Variants in TBCK observed in about 807,000 individuals in gnomAD.
TBCK encodes TBC1 domain containing kinase.
TBCK carries 99 observed loss-of-function variants against 113.4 expected under a neutral mutation model. The ratio of observed to expected loss-of-function variants is 0.87; its 90% CI spans 0.74 to 1.03. TBCK has a LOEUF of 1.03. Ranked by LOEUF, TBCK falls within the 50% of genes least tolerant of loss-of-function variation. The pLI is 0.00. For missense variants in TBCK, 1,045 were observed against 1,061.3 expected (o/e 0.98, Z 0.21); for synonymous variants, 369 against 370.8 (o/e 1.00, Z 0.05).
At chr4:106,113,498 T>C (rs1743101775) in intron 24 of TBCK, among the ~76,000 whole-genome samples, 2 of 152,178 alleles carry the variant, frequency 1.3e-5, no homozygotes, top group African/African-American at 4.8e-5. Flanking sequence ...GTGGTCCAAA[T>C]GAATTGTTAA....
intron 22 of TBCK, among the ~76,000 whole-genome samples, chr4:106,191,433 T>G (rs1560792241): frequency 6.6e-6 from 1 of 152,246 alleles, no homozygotes; most frequent in African/African-American, 2.4e-5. Context: ...CTGTGAACAT[T>G]TGAACTTATT....
chr4:106,251,935 T>C lies in TBCK; in HGVS notation c.528A>G (p.Lys176=), dbSNP rs772738148. Residue 176 remains lysine (K), a synonymous_variant, in exon 6 of 26, where the codon AAA becomes AAG. Transcript: ENST00000394708. ...ATTTGGGGCCAGAAGGCAATGGTTT[T>C]TTACTTGGCATGTGATCAGTGGTTT... ...IFKTTDHMPS[K]KPLPSGPKSD... 6.2e-7 allele frequency: 1 copy of C among 1,611,908 alleles called. No homozygotes were observed.
At chr4:106,315,885 A>T (rs1357457488) in intron 1 of TBCK, 46 bp downstream of exon 1, 1 of 152,514 alleles carries the variant, frequency 6.6e-6, no homozygotes, top group African/African-American at 2.4e-5. Context: ...CCTCCCACAG[A>T]CCCCACCCAC....
intron 23 of TBCK, among the ~76,000 whole-genome samples, chr4:106,120,393 G>A (rs990610283): frequency 6.6e-6 from 1 of 152,124 alleles, no homozygotes; most frequent in Non-Finnish European, 1.5e-5. Context: ...TGGGGGAGGG[G>A]CGCCCACCAT....
chr4:106,068,210 G>A (rs1225952312), intron 25 of TBCK, among the ~76,000 whole-genome samples: 2 of 152,072 alleles, frequency 1.3e-5, no homozygotes, highest in Non-Finnish European at 2.9e-5. Context: ...GTGCAGGTTT[G>A]TTACATATGT....
chr4:106,216,747 T>C (rs1182128256), intron 19 of TBCK, among the ~76,000 whole-genome samples: 1 of 151,004 alleles, frequency 6.6e-6, no homozygotes, highest in East Asian at 2.0e-4. Flanking sequence ...CCAAAAAGAG[T>C]CCAGGACCAG....
In TBCK at chr4:106,134,824, G is replaced by C. The variant is rs1746373050; in HGVS notation, c.2236-18446C>G. ...CAGGTGAGAAGTAGGGAGAGAGATGGTAGTACTGACAGAGTGGGTGGTAGG... is the reference window on the plus strand; with the variant it reads ...CAGGTGAGAAGTAGGGAGAGAGATGCTAGTACTGACAGAGTGGGTGGTAGG... On this transcript the variant is annotated intron_variant, in intron 23 of 25. Transcript: ENST00000394708. Among the ~76,000 whole-genome samples the C allele has an allele frequency of 2.0e-5, 3 of 152,112 alleles. No individual in the cohort carries two copies. In the South Asian group the frequency reaches 6.2e-4, roughly 32 times the overall value.
intron 11 of TBCK, 98 bp downstream of exon 11, chr4:106,244,528 T>TAAA: frequency 2.3e-6 from 2 of 873,610 alleles, no homozygotes; most frequent in East Asian, 3.8e-5. Context: ...ACAACCAATT[T>TAAA]AAAAAAAAAA....
intron 20 of TBCK, among the ~76,000 whole-genome samples, chr4:106,202,687 A>G (rs935890082): frequency 1.3e-5 from 2 of 152,086 alleles, no homozygotes; most frequent in Non-Finnish European, 2.9e-5. Context: ...TAGTCACACA[A>G]GTGATATTGC....
At chr4:106,115,898 C>T (rs565368295) in intron 24 of TBCK, among the ~76,000 whole-genome samples, 30 of 152,244 alleles carry the variant, frequency 2.0e-4, no homozygotes, top group African/African-American at 6.5e-4. Flanking sequence ...GCCACAATTC[C>T]TATCTACAGC....
At chr4:106,151,561 T>C (rs1299173221) in intron 23 of TBCK, among the ~76,000 whole-genome samples, 1 of 152,046 alleles carries the variant, frequency 6.6e-6, no homozygotes, top group Non-Finnish European at 1.5e-5. Context: ...CTTTATGGTC[T>C]TTTGTGGTTG....
At chr4:106,059,041 T>C (rs1735743154) in intron 25 of TBCK, among the ~76,000 whole-genome samples, 1 of 151,750 alleles carries the variant, frequency 6.6e-6, no homozygotes, top group Non-Finnish European at 1.5e-5. Context: ...AAGGATAAAA[T>C]ACTACTTCAA....
intron 20 of TBCK, among the ~76,000 whole-genome samples, chr4:106,212,045 A>T (rs1756200282): frequency 6.6e-6 from 1 of 152,090 alleles, no homozygotes. Flanking sequence ...AAATTTTTTA[A>T]TGTCAAATGT....
chr4:106,237,971 A>T (rs1405980373), intron 12 of TBCK, among the ~76,000 whole-genome samples: 1 of 152,050 alleles, frequency 6.6e-6, no homozygotes, highest in Non-Finnish European at 1.5e-5. Context: ...TAAAGATAAA[A>T]ATTATTATAT....
intron 3 of TBCK, among the ~76,000 whole-genome samples, chr4:106,278,978 T>A (rs1234138213): frequency 6.6e-6 from 1 of 152,174 alleles, no homozygotes; most frequent in African/African-American, 2.4e-5. Context: ...CTTATTTAGT[T>A]GTAATCCTTC....
chr4:106,271,252 C>T (rs1027273271), intron 3 of TBCK, among the ~76,000 whole-genome samples: 3 of 152,058 alleles, frequency 2.0e-5, no homozygotes, highest in Non-Finnish European at 4.4e-5. Context: ...AGAAAAAGCT[C>T]TTATCCATAT....
intron 24 of TBCK, among the ~76,000 whole-genome samples, chr4:106,102,018 T>C (rs368878000): frequency 7.9e-5 from 12 of 152,340 alleles, no homozygotes; most frequent in African/African-American, 2.9e-4. Flanking sequence ...AACAAATATA[T>C]CTGACTTGAT....
chr4:106,248,486 A>C (rs1216412724), intron 8 of TBCK, among the ~76,000 whole-genome samples, 180 bp from the exon 9 acceptor site: 1 of 152,194 alleles, frequency 6.6e-6, no homozygotes, highest in African/African-American at 2.4e-5. Flanking sequence ...GCTTTAAAAT[A>C]GCTTCCAACT....
At chr4:106,113,822 T>A (rs1304318882) in intron 24 of TBCK, among the ~76,000 whole-genome samples, 1 of 152,162 alleles carries the variant, frequency 6.6e-6, no homozygotes, top group Non-Finnish European at 1.5e-5. Context: ...CCTGCAACCC[T>A]CACCTGCTAC....
Sources: allele counts gnomAD v4.1 joint callset (sites outside exome capture counted in the v4.1 genomes callset), GRCh38; gene constraint gnomAD v4.1.1; transcripts MANE v1.5; gene names NCBI Gene and HGNC (gene_info 2026-07-23, HGNC 2026-07-21).